Variants in DICER1 observed in about 807,000 individuals in gnomAD.
The protein encoded by DICER1 is endoribonuclease Dicer.
In DICER1, 43 loss-of-function variants were observed where a neutral mutation model predicts 194.1. The observed-to-expected ratio is 0.22, with a 90% CI of 0.17 to 0.29. DICER1 has a LOEUF of 0.29. DICER1 is among the 10% of genes least tolerant of loss of function. The pLI, the probability that DICER1 is intolerant of heterozygous loss-of-function variation, is 1.00. For synonymous variants in DICER1, 832 were observed against 820.5 expected (o/e 1.01, Z -0.24); for missense variants, 1,608 against 2,317.0 (o/e 0.69, Z 6.28).
intron 6 of DICER1, 119 bp from the exon 7 acceptor site, chr14:95,126,867 C>T: frequency 1.5e-6 from 1 of 648,650 alleles, no homozygotes; most frequent in Non-Finnish European, 2.6e-6. Flanking sequence ...AAAAAAAATG[C>T]CAGAATGTTA....
intron 8 of DICER1, among the ~76,000 whole-genome samples, chr14:95,123,701 C>T (rs1893138338): frequency 6.6e-6 from 1 of 152,152 alleles, no homozygotes; most frequent in South Asian, 2.1e-4. Context: ...CCATCATGCC[C>T]AACCTAGCCT....
At position 95,089,325 on chromosome 14, in the gene DICER1, A is replaced by G; in HGVS notation, c.*1173T>C. ...CAAACGTTAAACTTTCACGGCATTA[A>G]CAGCACAGCTTTGGTAGGTGAAATA... On this transcript the variant is annotated 3_prime_UTR_variant, in exon 27 of 27. Coordinates refer to ENST00000343455, the MANE Select transcript of DICER1 (RefSeq NM_177438.3). 4.3e-6 allele frequency: 1 copy of G among 233,066 alleles called. No homozygotes were observed. Among genetic ancestry groups the G allele is most frequent in the East Asian group, 6.0e-5 (1 of 16,546 alleles). The allele number at this position is 233,066 out of a possible 1,614,324, so 14.4% of individuals were successfully genotyped here.
chr14:95,128,057 G>C (rs1182774957), intron 6 of DICER1, among the ~76,000 whole-genome samples: 1 of 152,040 alleles, frequency 6.6e-6, no homozygotes, highest in Non-Finnish European at 1.5e-5. Flanking sequence ...ATCCTCATAA[G>C]GAAAACTCCC....
rs1891084925 is a variant in DICER1, at chr14:95,103,504, G to T, written c.3892C>A (p.Leu1298Ile). 4 of 1,614,070 alleles carry T rather than the reference G, an allele frequency of 2.5e-6. No individual in the cohort carries two copies. The highest frequency in any genetic ancestry group is 3.4e-6 in the Non-Finnish European group (4 of 1,180,038). The change falls in exon 21 of 27, where the codon CTT becomes ATT. Residue 1298 changes from leucine to isoleucine, a missense_variant. This residue lies in a region of DICER1 where 58 missense variants were observed against 125.7 expected (regional missense o/e 0.46). Coordinates refer to ENST00000343455, the MANE Select transcript of DICER1 (RefSeq NM_177438.3). Reference sequence around the variant, plus strand: ...GCGTTTGACAGAGTCAAAGCCTGAAGAATAAGTCCAGGATTGGGGCCAAGA... The same window carrying T: ...GCGTTTGACAGAGTCAAAGCCTGAATAATAAGTCCAGGATTGGGGCCAAGA... Reference protein sequence around the residue: ...RTLGPNPGLILQALTLSNASD... With the variant: ...RTLGPNPGLIIQALTLSNASD...
intron 7 of DICER1, among the ~76,000 whole-genome samples, chr14:95,125,838 GAAAGA>G (rs1337817026): frequency 3.3e-5 from 5 of 150,638 alleles, no homozygotes; most frequent in African/African-American, 1.2e-4. Context: ...AAAAAGACAG[GAAAGA>G]AAAGAAAGAA....
intron 1 of DICER1, among the ~76,000 whole-genome samples, chr14:95,148,911 C>A (rs1358362466): frequency 4.6e-5 from 7 of 151,930 alleles, no homozygotes; most frequent in African/African-American, 1.5e-4. Flanking sequence ...ATATTTGATT[C>A]CAAGTTTCTG....
At chr14:95,138,328 A>G (rs1485615043) in intron 1 of DICER1, among the ~76,000 whole-genome samples, 2 of 148,686 alleles carry the variant, frequency 1.3e-5, no homozygotes, top group African/African-American at 4.9e-5. Flanking sequence ...AAAAAAGTGG[A>G]AAAAAAAAAC....
chr14:95,093,728 C>T (rs1377383503), intron 24 of DICER1, among the ~76,000 whole-genome samples, 160 bp downstream of exon 24: 1 of 152,178 alleles, frequency 6.6e-6, no homozygotes, highest in East Asian at 1.9e-4. Flanking sequence ...GGCCTACCTG[C>T]AAACTGCAGT....
chr14:95,143,082 G>A (rs1261225497), intron 1 of DICER1, among the ~76,000 whole-genome samples: 1 of 151,872 alleles, frequency 6.6e-6, no homozygotes, highest in Non-Finnish European at 1.5e-5. Flanking sequence ...AAAGTTCCAG[G>A]ATAAACAAAT....
chr14:95,130,772 T>C (rs114556782), intron 4 of DICER1, among the ~76,000 whole-genome samples: 244 of 152,258 alleles, frequency 1.6e-3, no homozygotes, highest in African/African-American at 5.7e-3. Flanking sequence ...TGGAAACATG[T>C]AAGTTAGAGG....
At chr14:95,102,487 TTC>T (rs1890968883) in intron 21 of DICER1, among the ~76,000 whole-genome samples, 1 of 152,180 alleles carries the variant, frequency 6.6e-6, no homozygotes, top group African/African-American at 2.4e-5. Flanking sequence ...ATTTCCACAC[TTC>T]TGACTGCTGC....
At chr14:95,106,418 T>A (rs1891434488) in intron 17 of DICER1, among the ~76,000 whole-genome samples, 195 bp from the exon 18 acceptor site, 1 of 151,642 alleles carries the variant, frequency 6.6e-6, no homozygotes, top group South Asian at 2.1e-4. Context: ...AATGGACACA[T>A]TATTGTCCCA....
In DICER1 at chr14:95,105,354, A is replaced by G; in HGVS notation, c.3094-108T>C. On this transcript the variant is annotated intron_variant, in intron 19 of 26. Coordinates refer to ENST00000343455, the MANE Select transcript of DICER1 (RefSeq NM_177438.3). This position sits in a 1 kb window ranked among gnomAD's most constrained non-coding sequence, Gnocchi z 4.9. Reference sequence around the variant, plus strand: ...TAAAGAAAATCATAAATGCTAGTAAAACTTAATTTTAAAAAATATTTGTAA... The same window carrying G: ...TAAAGAAAATCATAAATGCTAGTAAGACTTAATTTTAAAAAATATTTGTAA... 1 of 1,049,048 alleles carries G rather than the reference A, an allele frequency of 9.5e-7. No individual in the cohort carries two copies. Among genetic ancestry groups the G allele is most frequent in the Non-Finnish European group, 1.4e-6 (1 of 690,922 alleles). The allele number at this position is 1,049,048 out of a possible 1,614,324, so 65.0% of individuals were successfully genotyped here.
rs771990285 is a variant in DICER1 at position 95,103,608 on chromosome 14, C to G, written c.3788G>C (p.Gly1263Ala). The change falls in exon 21 of 27, where the codon GGT becomes GCT. Residue 1263 changes from glycine to alanine, a missense_variant. Around this residue, in one of 10 missense-constraint regions of DICER1, gnomAD observed 222 missense variants for 215.5 expected, o/e 1.03. Coordinates refer to ENST00000343455, the MANE Select transcript of DICER1 (RefSeq NM_177438.3). ...GAGCACTTGAATAGTGTCTGTCGTA[C>G]CAGGCATTACGGCCATCACAGGACT... ...DGSPVMAVMP[G>A]TTDTIQVLKG... The G allele has an allele frequency of 6.2e-7, 1 of 1,614,176 alleles. No homozygotes were observed. Among genetic ancestry groups the G allele is most frequent in the Admixed American group, 1.7e-5 (1 of 60,026 alleles).
intron 22 of DICER1, among the ~76,000 whole-genome samples, chr14:95,099,203 A>G (rs1347661010): frequency 6.6e-6 from 1 of 152,192 alleles, no homozygotes; most frequent in East Asian, 1.9e-4. Flanking sequence ...GGCCTTCAAG[A>G]CAAGACAAAA....
rs1555381598 is a variant in DICER1 at position 95,157,414 on chromosome 14, G to GCGCCTCCGCCT, written c.-241_-231dup. The stretch of plus-strand genomic sequence containing the variant: ...ACCTGGGCCTGCAGCAGCCTGCGCC[G>GCGCCTCCGCCT]CGCCTCCGCCTCGACCCCTCCCGCC... On this transcript the variant is annotated 5_prime_UTR_variant, in exon 1 of 27. Coordinates refer to ENST00000343455, the MANE Select transcript of DICER1 (RefSeq NM_177438.3). 6.6e-6 allele frequency: 1 copy of GCGCCTCCGCCT among 152,394 alleles called. No homozygotes were observed. The highest frequency in any genetic ancestry group is 1.5e-5 in the Non-Finnish European group (1 of 68,228). The allele number at this position is 152,394 out of a possible 1,614,324, so 9.4% of individuals were successfully genotyped here.
chr14:95,118,526 C>G (rs762030806), intron 8 of DICER1, among the ~76,000 whole-genome samples: 14 of 152,176 alleles, frequency 9.2e-5, no homozygotes, highest in Non-Finnish European at 1.6e-4. Context: ...GCCTGCTCCT[C>G]TGTATTAACC....
chr14:95,131,425 G>T, intron 4 of DICER1, 84 bp downstream of exon 4: 1 of 1,365,084 alleles, frequency 7.3e-7, no homozygotes, highest in Non-Finnish European at 1.0e-6. Flanking sequence ...ACCTAAATCA[G>T]ACAACCAAGG....
intron 8 of DICER1, among the ~76,000 whole-genome samples, chr14:95,122,454 A>C (rs115251719): frequency 6.6e-6 from 1 of 152,164 alleles, no homozygotes; most frequent in South Asian, 2.1e-4. Context: ...TCCCTGCCCT[A>C]AGAAATAATC....
Sources: allele counts gnomAD v4.1 joint callset (sites outside exome capture counted in the v4.1 genomes callset), GRCh38; gene constraint gnomAD v4.1.1; regional missense constraint gnomAD v4.1.1; non-coding constraint Gnocchi (gnomAD v3.1); transcripts MANE v1.5; gene names NCBI Gene and HGNC (gene_info 2026-07-23, HGNC 2026-07-21).